The following COX6A2 variants were observed in gnomAD, a reference collection of about 807,000 sequenced individuals.
COX6A2 encodes cytochrome c oxidase subunit 6A2, mitochondrial.
A neutral mutation model predicts 7.2 loss-of-function variants in COX6A2; 5 were observed. The observed-to-expected ratio is 0.69, with a 90% confidence interval of 0.36 to 1.45. The LOEUF (loss-of-function observed/expected upper bound fraction) is 1.45, where lower values mean the gene tolerates loss of function less well. COX6A2 is among the 40% of genes most tolerant of loss of function. The pLI is 0.03. For synonymous variants in COX6A2, 63 were observed against 55.9 expected (o/e 1.13, Z -0.56); for missense variants, 174 against 137.7 (o/e 1.26, Z -1.32).
chr16:31,427,759 G>C lies in COX6A2; in HGVS notation c.*15C>G. On this transcript the variant is annotated 3_prime_UTR_variant, in exon 3 of 3. Coordinates refer to ENST00000287490, the MANE Select transcript of COX6A2 (RefSeq NM_005205.4). ...AAGCTTCACACCTTTATTGTGTCCG[G>C]GGGCGTCCGGGGCCTCAGGGGTGTT... The C allele has an allele frequency of 7.2e-7, 1 of 1,398,258 alleles. No individual in the cohort carries two copies. Among genetic ancestry groups the C allele is most frequent in the Non-Finnish European group, 9.3e-7 (1 of 1,071,198 alleles). The allele number at this position is 1,398,258 out of a possible 1,614,324, so 86.6% of individuals were successfully genotyped here. A position where few individuals can be genotyped will look rare whatever the true frequency, so the allele number is the denominator to read the frequency against.
chr16:31,427,735 A>G lies in COX6A2; in HGVS notation c.*39T>C, dbSNP rs2082145945. 2.3e-6 allele frequency: 3 copies of G among 1,332,390 alleles called. No homozygotes were observed. The highest frequency in any genetic ancestry group is 4.4e-5 in the South Asian group (2 of 45,324). The allele number at this position is 1,332,390 out of a possible 1,614,324, so 82.5% of individuals were successfully genotyped here. On this transcript the variant is annotated 3_prime_UTR_variant, in exon 3 of 3. Transcript: ENST00000287490. ...CCTCCCCACAGAGCCGCAGACTCGAAGCTTCACACCTTTATTGTGTCCGGG... is the reference window on the plus strand; with the variant it reads ...CCTCCCCACAGAGCCGCAGACTCGAGGCTTCACACCTTTATTGTGTCCGGG...
In COX6A2 at chr16:31,428,236, G is replaced by A. The variant is rs1264381074; in HGVS notation, c.73+17C>T. The A allele has an allele frequency of 2.5e-6, 4 of 1,570,542 alleles. No individual in the cohort carries two copies. The highest frequency in any genetic ancestry group is 1.4e-5 in the African/African-American group (1 of 73,518). ...GCAGGGTAGGGGAGCCCCCGGATCC[G>A]CCCGTTCCCCACTCACCTCCTGCTC... On this transcript the variant is annotated intron_variant, in intron 1 of 2. Coordinates refer to ENST00000287490, the MANE Select transcript of COX6A2 (RefSeq NM_005205.4).
Position 31,428,064 on chromosome 16 carries a change from C to T in COX6A2, c.161G>A (p.Arg54His). Reference sequence around the variant, plus strand: ...GTAGGGACGGAACTCGGGGCGCGGGCGGTGGCCCGAGTGGAGATAGGAGTT... The same window carrying T: ...GTAGGGACGGAACTCGGGGCGCGGGTGGTGGCCCGAGTGGAGATAGGAGTT... Reference protein sequence around the residue: ...TFNSYLHSGHRPRPEFRPYQH... With the variant: ...TFNSYLHSGHHPRPEFRPYQH... Residue 54 changes from arginine to histidine, a missense_variant, in exon 2 of 3, where the codon CGC (arginine) becomes CAC (histidine). Transcript: ENST00000287490. The T allele has an allele frequency of 6.5e-7, 1 of 1,545,970 alleles. No homozygotes were observed. The highest frequency in any genetic ancestry group is 1.4e-5 in the African/African-American group (1 of 71,750).
intron 2 of COX6A2, 50 bp from the exon 3 acceptor site, chr16:31,427,907 G>GT: frequency 1.7e-6 from 1 of 601,088 alleles, no homozygotes; most frequent in Non-Finnish European, 2.1e-6. Flanking sequence ...TGAGTCCGGA[G>GT]TCCGCGCCCC....
chr16:31,428,145 G>C lies in COX6A2; in HGVS notation c.80C>G (p.Thr27Ser). 6.4e-7 allele frequency: 1 copy of C among 1,572,992 alleles called. No homozygotes were observed. Among genetic ancestry groups the C allele is most frequent in the African/African-American group, 1.4e-5 (1 of 73,944 alleles). Reference sequence around the variant, plus strand: ...CAGCACGAAGGTCAGCAGACGCCAGGTACGAGCTGCGGACGGAGCGGGGTG... The same window carrying C: ...CAGCACGAAGGTCAGCAGACGCCAGCTACGAGCTGCGGACGGAGCGGGGTG... ...KGGHGGAGAR[T>S]WRLLTFVLAL... The change falls in exon 2 of 3, where the codon ACC (threonine) becomes AGC (serine). Residue 27 changes from threonine to serine, a missense_variant. Thr to Ser is a moderately conservative substitution (Grantham distance 58). Transcript: ENST00000287490.
rs1450385897 is a variant in COX6A2 at position 31,427,928 on chromosome 16, C to CA, written c.211-72_211-71insT. 14 of 332,822 alleles carry CA rather than the reference C, an allele frequency of 4.2e-5. 1 individual carries two copies. Among genetic ancestry groups the CA allele is most frequent in the Non-Finnish European group, 2.8e-5 (7 of 252,054 alleles). 20.6% of individuals were successfully genotyped at this position (332,822 alleles called of 1,614,324 possible). On this transcript the variant is annotated intron_variant, in intron 2 of 2. Transcript: ENST00000287490. Reference sequence around the variant, plus strand: ...CGGAGTCCGCGCCCCGCGCGACCCCCCCCCCGCAGCACCCCCCCCCGCCCC... The same window carrying CA: ...CGGAGTCCGCGCCCCGCGCGACCCCCACCCCCGCAGCACCCCCCCCCGCCCC...
chr16:31,427,907 G>A, intron 2 of COX6A2, 50 bp from the exon 3 acceptor site: 1 of 601,088 alleles, frequency 1.7e-6, no homozygotes, highest in Admixed American at 9.5e-5. Flanking sequence ...TGAGTCCGGA[G>A]TCCGCGCCCC....
Position 31,428,164 on chromosome 16 carries a change from C to T in COX6A2, c.74-13G>A. On this transcript the variant is annotated splice_polypyrimidine_tract_variant and intron_variant, in intron 1 of 2. Coordinates refer to ENST00000287490, the MANE Select transcript of COX6A2 (RefSeq NM_005205.4). ...CGCCAGGTACGAGCTGCGGACGGAG[C>T]GGGGTGAGCGCGGCGGTCCTGGGGC... The T allele has an allele frequency of 2.6e-6, 4 of 1,567,040 alleles. No homozygotes were observed. Among genetic ancestry groups the T allele is most frequent in the Non-Finnish European group, 3.5e-6 (4 of 1,157,058 alleles).
intron 2 of COX6A2, 24 bp downstream of exon 2, chr16:31,427,991 C>G (rs1403008098): frequency 3.1e-6 from 4 of 1,310,342 alleles, no homozygotes; most frequent in Middle Eastern, 2.8e-4. Context: ...ACCCCCGTGC[C>G]GCCCGCGCGC....
intron 1 of COX6A2, 24 bp downstream of exon 1, chr16:31,428,229 C>A (rs759672607): frequency 1.3e-6 from 2 of 1,553,794 alleles, no homozygotes; most frequent in East Asian, 2.4e-5. Context: ...GGGGAGCCCC[C>A]GGATCCGCCC....
At chr16:31,427,908 T>TGCGCG (rs771976545) in intron 2 of COX6A2, 51 bp from the exon 3 acceptor site, 1 of 384,764 alleles carries the variant, frequency 2.6e-6, no homozygotes, top group South Asian at 1.4e-4. Flanking sequence ...GAGTCCGGAG[T>TGCGCG]CCGCGCCCCG....
At position 31,428,332 on chromosome 16, in the gene COX6A2, G is replaced by A; in HGVS notation, c.-7C>T. On this transcript the variant is annotated 5_prime_UTR_variant, in exon 1 of 3. Transcript: ENST00000287490. ...GCCTCAGAGGCAAAGCCATGATGGT[G>A]CGGGGAGCCGGGAACCAGCGCTGTC... The A allele has an allele frequency of 6.3e-7, 1 of 1,595,752 alleles. No individual in the cohort carries two copies. The highest frequency in any genetic ancestry group is 8.5e-7 in the Non-Finnish European group (1 of 1,171,664).
Position 31,428,267 on chromosome 16 carries a change from T to G in COX6A2, c.59A>C (p.His20Pro). 2 of 1,601,954 alleles carry G rather than the reference T, an allele frequency of 1.2e-6. No individual in the cohort carries two copies. Among genetic ancestry groups the G allele is most frequent in the African/African-American group, 1.3e-5 (1 of 74,606 alleles). The change falls in exon 1 of 3, where the codon CAC becomes CCC. Residue 20 changes from histidine to proline, a missense_variant. By Grantham distance (77) the His-to-Pro change is moderately conservative. Transcript: ENST00000287490. ...TCCCCACTCACCTCCTGCTCCTCCG[T>G]GGCCTCCTTTGGCAGCGCTGGCCAA... is the stretch of plus-strand genomic sequence containing the variant. Reference protein sequence around the residue: ...RGLASAAKGGHGGAGARTWRL... With the variant: ...RGLASAAKGGPGGAGARTWRL...
chr16:31,427,926 C>CG lies in COX6A2; in HGVS notation c.211-70_211-69insC. The CG allele has an allele frequency of 1.6e-5, 5 of 321,408 alleles. No individual in the cohort carries two copies. The African/African-American group carries it at 2.3e-4, about 15-fold the overall frequency. 19.9% of individuals were successfully genotyped at this position (321,408 alleles called of 1,614,324 possible). A position where few individuals can be genotyped will look rare whatever the true frequency, so the allele number is the denominator to read the frequency against. On this transcript the variant is annotated intron_variant, in intron 2 of 2. Coordinates refer to ENST00000287490, the MANE Select transcript of COX6A2 (RefSeq NM_005205.4). Reference sequence around the variant, plus strand: ...TCCGGAGTCCGCGCCCCGCGCGACCCCCCCCCCGCAGCACCCCCCCCCGCC... The same window carrying CG: ...TCCGGAGTCCGCGCCCCGCGCGACCCGCCCCCCCGCAGCACCCCCCCCCGCC...
Position 31,428,261 on chromosome 16 carries a change from C to T in COX6A2, c.65G>A (p.Gly22Glu). 1 of 1,598,804 alleles carries T rather than the reference C, an allele frequency of 6.3e-7. No individual in the cohort carries two copies. The highest frequency in any genetic ancestry group is 8.5e-7 in the Non-Finnish European group (1 of 1,173,350). ...GCCCGTTCCCCACTCACCTCCTGCTCCTCCGTGGCCTCCTTTGGCAGCGCT... is the reference window on the plus strand; with the variant it reads ...GCCCGTTCCCCACTCACCTCCTGCTTCTCCGTGGCCTCCTTTGGCAGCGCT... Reference protein sequence around the residue: ...LASAAKGGHGGAGARTWRLLT... With the variant: ...LASAAKGGHGEAGARTWRLLT... The change falls in exon 1 of 3, where the codon GGA becomes GAA. Residue 22 changes from glycine to glutamate, a missense_variant. By Grantham distance (98) the Gly-to-Glu change is moderately conservative (BLOSUM62 -2). Transcript: ENST00000287490.
rs1307607274 is a variant in COX6A2, at chr16:31,428,316, G to A, written c.10C>T (p.Pro4Ser). 1 of 1,603,624 alleles carries A rather than the reference G, an allele frequency of 6.2e-7. No homozygotes were observed. Among genetic ancestry groups the A allele is most frequent in the Non-Finnish European group, 8.5e-7 (1 of 1,175,640 alleles). The change falls in exon 1 of 3, where the codon CCT becomes TCT. Residue 4 changes from proline (P) to serine (S), a missense_variant. By Grantham distance (74) the Pro-to-Ser change is moderately conservative. Coordinates refer to ENST00000287490, the MANE Select transcript of COX6A2 (RefSeq NM_005205.4). MAL[P>S]LRPLTRGLAS... ...AAGCCCCGGGTCAGGGGCCTCAGAG[G>A]CAAAGCCATGATGGTGCGGGGAGCC...
At chr16:31,428,199 G>T (rs1321110767) in intron 1 of COX6A2, 48 bp from the exon 2 acceptor site, 12 of 1,548,790 alleles carry the variant, frequency 7.7e-6, no homozygotes, top group South Asian at 1.2e-5. Context: ...CGGCGGGCCT[G>T]TGAACAGGTG....
rs2082148385 is a variant in COX6A2, at chr16:31,427,918, GCGCGACCCC to G, written c.211-70_211-62del. 132 of 309,328 alleles carry G rather than the reference GCGCGACCCC, an allele frequency of 4.3e-4. 2 individuals are homozygous for G. The highest frequency in any genetic ancestry group is 2.3e-3 in the Middle Eastern group (2 of 882). 19.2% of individuals were successfully genotyped at this position (309,328 alleles called of 1,614,324 possible). ...GCCGTGAGTCCGGAGTCCGCGCCCC[GCGCGACCCC>G]CCCCCCGCAGCACCCCCCCCCGCCC... On this transcript the variant is annotated intron_variant, in intron 2 of 2. Coordinates refer to ENST00000287490, the MANE Select transcript of COX6A2 (RefSeq NM_005205.4).
chr16:31,427,789 G>A lies in COX6A2; in HGVS notation c.279C>T (p.Gly93=). ...HNSHVNPLPT[G]YEHP The stretch of plus-strand genomic sequence containing the variant: ...GTCCGGGGCCTCAGGGGTGTTCGTA[G>A]CCCGTGGGCAGAGGGTTCACGTGGC... Residue 93 remains glycine (G), a synonymous_variant, in exon 3 of 3, where the codon GGC becomes GGT. Coordinates refer to ENST00000287490, the MANE Select transcript of COX6A2 (RefSeq NM_005205.4). 7.1e-7 allele frequency: 1 copy of A among 1,412,914 alleles called. No homozygotes were observed. Among genetic ancestry groups the A allele is most frequent in the Non-Finnish European group, 9.3e-7 (1 of 1,080,286 alleles). 87.5% of individuals were successfully genotyped at this position (1,412,914 alleles called of 1,614,324 possible). A position where few individuals can be genotyped will look rare whatever the true frequency, so the allele number is the denominator to read the frequency against.
Sources: gnomAD v4.1 joint callset for allele counts on GRCh38, gnomAD v4.1.1 for gene constraint, MANE v1.5 for transcripts, NCBI Gene and HGNC (gene_info 2026-07-23, HGNC 2026-07-21) for gene names.